The following PTPRD variants were observed in gnomAD, a reference collection of about 807,000 sequenced individuals.
PTPRD encodes receptor-type tyrosine-protein phosphatase delta.
A neutral mutation model predicts 214.5 loss-of-function variants in PTPRD; 34 were observed. The observed-to-expected ratio is 0.16, with a 90% confidence interval of 0.12 to 0.21. The LOEUF (loss-of-function observed/expected upper bound fraction) is 0.21. Among genes scored for constraint, PTPRD ranks in the 10% least tolerant of loss-of-function variants. The pLI, the probability that PTPRD is intolerant of heterozygous loss-of-function variation, is 1.00. For synonymous variants in PTPRD, 1,128 were observed against 845.7 expected (o/e 1.33, Z -5.79); for missense variants, 2,545 against 2,398.7 (o/e 1.06, Z -1.27).
chr9:8,652,765 T>C (rs947164292), intron 12 of PTPRD, among the ~76,000 whole-genome samples: 1 of 152,176 alleles, frequency 6.6e-6, no homozygotes, highest in Non-Finnish European at 1.5e-5. Context: ...CCACAGATCA[T>C]GATGATAAGA....
At chr9:9,811,508 C>T (rs902567338) in intron 5 of PTPRD, among the ~76,000 whole-genome samples, 1 of 152,082 alleles carries the variant, frequency 6.6e-6, no homozygotes, top group Non-Finnish European at 1.5e-5. Context: ...GAGATCGAGA[C>T]CATCCTGGCT....
At chr9:10,408,711 G>A (rs1565847242) in intron 2 of PTPRD, among the ~76,000 whole-genome samples, 1 of 151,682 alleles carries the variant, frequency 6.6e-6, no homozygotes. Flanking sequence ...TATTTATCGT[G>A]TAACAACTTG....
Position 8,610,344 on chromosome 9 carries a change from G to C in PTPRD, c.352+22973C>G, listed in dbSNP as rs115420276. On this transcript the variant is annotated intron_variant, in intron 14 of 45. Transcript: ENST00000381196. ...TAAATGGTGGCTATTATCAATTTCA[G>C]TATTCAGAGGAAAAAATCTGAGGCA... 4.9e-3 allele frequency among the ~76,000 whole-genome samples: 748 copies of C among 152,194 alleles called. 12 individuals carry two copies. Among genetic ancestry groups the C allele is most frequent in the African/African-American group, 0.017 (718 of 41,518 alleles).
intron 4 of PTPRD, among the ~76,000 whole-genome samples, chr9:10,031,254 T>C (rs2097060117): frequency 6.6e-6 from 1 of 152,114 alleles, no homozygotes; most frequent in Admixed American, 6.5e-5. Flanking sequence ...AATACTTTAC[T>C]GGTTAATACT....
chr9:9,336,574 C>A (rs959123830), intron 9 of PTPRD, among the ~76,000 whole-genome samples: 5 of 152,024 alleles, frequency 3.3e-5, no homozygotes. Context: ...GCAAATTATT[C>A]TCTATATGGG....
intron 3 of PTPRD, among the ~76,000 whole-genome samples, chr9:10,166,429 C>G (rs1554776712): frequency 6.6e-6 from 1 of 151,600 alleles, no homozygotes; most frequent in African/African-American, 2.4e-5. Context: ...CAAAAAGAAG[C>G]TTTGGTGTCT....
At chr9:9,807,368 A>T (rs2153529070) in intron 5 of PTPRD, among the ~76,000 whole-genome samples, 1 of 152,272 alleles carries the variant, frequency 6.6e-6, no homozygotes, top group Middle Eastern at 3.4e-3. Context: ...GAAGATAAGT[A>T]TTGAAAATCC....
chr9:10,466,786 G>C (rs2131534863), intron 2 of PTPRD, among the ~76,000 whole-genome samples: 1 of 152,088 alleles, frequency 6.6e-6, no homozygotes, highest in East Asian at 1.9e-4. Context: ...AAATACAAAG[G>C]GGGAATTATG....
At chr9:9,926,613 G>A (rs1566398428) in intron 5 of PTPRD, among the ~76,000 whole-genome samples, 1 of 151,994 alleles carries the variant, frequency 6.6e-6, no homozygotes, top group Admixed American at 6.6e-5. Context: ...AACTGAGAAA[G>A]GGTAGAAATA....
chr9:9,594,792 G>C (rs1264444335), intron 7 of PTPRD, among the ~76,000 whole-genome samples: 3 of 152,010 alleles, frequency 2.0e-5, no homozygotes, highest in African/African-American at 7.2e-5. Flanking sequence ...AGAGTAAACA[G>C]ACAACCCACA....
chr9:9,838,737 G>T (rs1223068188), intron 5 of PTPRD, among the ~76,000 whole-genome samples: 1 of 152,140 alleles, frequency 6.6e-6, no homozygotes, highest in Non-Finnish European at 1.5e-5. Flanking sequence ...TCTGATGGTA[G>T]TTTCTTTTGC....
intron 10 of PTPRD, among the ~76,000 whole-genome samples, chr9:9,091,692 A>G (rs2099776215): frequency 6.6e-6 from 1 of 152,204 alleles, no homozygotes; most frequent in Non-Finnish European, 1.5e-5. Context: ...CAAGTACTAT[A>G]TTTGCTAAAA....
chr9:8,665,947 C>A (rs2097161002), intron 12 of PTPRD, among the ~76,000 whole-genome samples: 1 of 151,924 alleles, frequency 6.6e-6, no homozygotes, highest in African/African-American at 2.4e-5. Flanking sequence ...TTTATTAATT[C>A]AAAGTGTTCC....
chr9:8,715,892 T>C (rs969301606), intron 12 of PTPRD, among the ~76,000 whole-genome samples: 1 of 152,230 alleles, frequency 6.6e-6, no homozygotes, highest in Non-Finnish European at 1.5e-5. Context: ...ACAGAAATAG[T>C]ACACAGACAT....
At chr9:9,602,730 G>T (rs1326773) in intron 7 of PTPRD, among the ~76,000 whole-genome samples, 101 of 151,708 alleles carry the variant, frequency 6.7e-4, no homozygotes, top group African/African-American at 2.2e-3. Context: ...TCTTATTCCC[G>T]TCTGGATAAA....
At chr9:10,416,827 T>A (rs1247813277) in intron 2 of PTPRD, among the ~76,000 whole-genome samples, 2 of 151,830 alleles carry the variant, frequency 1.3e-5, no homozygotes, top group Non-Finnish European at 2.9e-5. Context: ...TAGGCAAGGA[T>A]GCTGTTATAA....
intron 2 of PTPRD, among the ~76,000 whole-genome samples, chr9:10,367,189 A>G (rs2097533169): frequency 6.6e-6 from 1 of 152,142 alleles, no homozygotes; most frequent in African/African-American, 2.4e-5. Context: ...ACTTAGAGTA[A>G]TGACAAAAAT....
At chr9:9,865,208 T>C (rs1187001023) in intron 5 of PTPRD, among the ~76,000 whole-genome samples, 1 of 152,204 alleles carries the variant, frequency 6.6e-6, no homozygotes, top group Non-Finnish European at 1.5e-5. Flanking sequence ...TAAATCTATT[T>C]ACATTTGAAA....
At chr9:10,174,111 G>A (rs1053496347) in intron 3 of PTPRD, among the ~76,000 whole-genome samples, 2 of 152,128 alleles carry the variant, frequency 1.3e-5, no homozygotes, top group African/African-American at 4.8e-5. Flanking sequence ...AGAGGTGAGG[G>A]TTAAAAATTT....
Sources: allele counts gnomAD v4.1 joint callset (sites outside exome capture counted in the v4.1 genomes callset), GRCh38; gene constraint gnomAD v4.1.1; transcripts MANE v1.5; gene names NCBI Gene and HGNC (gene_info 2026-07-23, HGNC 2026-07-21).